POLR2F: variants seen among roughly 807,000 people sequenced by gnomAD.
POLR2F encodes the protein DNA-directed RNA polymerases I, II, and III subunit RPABC2.
Under a neutral mutation model 22.7 loss-of-function variants are expected in POLR2F, and 12 were observed. That is an observed-to-expected ratio of 0.53 (90% CI 0.34 to 0.86). POLR2F has a LOEUF of 0.86. Among genes scored for constraint, POLR2F ranks in the 40% least tolerant of loss-of-function variants. POLR2F has a pLI of 0.02. For synonymous variants in POLR2F, 57 were observed against 66.0 expected (o/e 0.86, Z 0.66); for missense variants, 126 against 171.5 (o/e 0.73, Z 1.48).
At chr22:37,998,892 T>C (rs1016870464) in intron 1 of POLR2F, among the ~76,000 whole-genome samples, 1 of 151,666 alleles carries the variant, frequency 6.6e-6, no homozygotes, top group African/African-American at 2.4e-5. Flanking sequence ...GACGGAGATG[T>C]CAAAGGCAGG....
chr22:38,005,804 A>G (rs2084815962), intron 1 of POLR2F, among the ~76,000 whole-genome samples: 1 of 152,250 alleles, frequency 6.6e-6, no homozygotes, highest in Non-Finnish European at 1.5e-5. Context: ...CAGAACTTAG[A>G]CAAGTATAGT....
At chr22:38,036,511 A>G (rs2085117645) in intron 5 of POLR2F, among the ~76,000 whole-genome samples, 1 of 150,112 alleles carries the variant, frequency 6.7e-6, no homozygotes, top group African/African-American at 2.5e-5. Context: ...CTAGAGGAGC[A>G]GGCCCATTCT....
In POLR2F at chr22:37,977,975, G is replaced by T. The variant is rs1019151119; in HGVS notation, c.293+10805G>T. The T allele has an allele frequency of 3.1e-6, 5 of 1,611,804 alleles. No homozygotes were observed. In the African/African-American group the frequency reaches 6.7e-5, roughly 22 times the overall value. On this transcript the variant is annotated intron_variant, in intron 4 of 4. Coordinates refer to the POLR2F transcript ENST00000405557. ...GCCTGGATGGCGGCGGTCCCACCTTGCTCGGCCTCCCCACCGGGGCACTCC... is the reference window on the plus strand; with the variant it reads ...GCCTGGATGGCGGCGGTCCCACCTTTCTCGGCCTCCCCACCGGGGCACTCC...
chr22:37,967,709 C>T lies in POLR2F; in HGVS notation c.378C>T (p.Thr126=), dbSNP rs534343471. The T allele has an allele frequency of 3.7e-6, 6 of 1,613,200 alleles. No homozygotes were observed. Among genetic ancestry groups the T allele is most frequent in the South Asian group, 3.3e-5 (3 of 90,964 alleles). ...EDWGVDELII[T]D ...GGGGGGTGGACGAGCTCATCATCAC[C>T]GACTGAGCTGGAGTCATCTTCCTGC... The change falls in exon 5 of 5, where the codon ACC becomes ACT. Residue 126 remains threonine (T), a synonymous_variant. Transcript: ENST00000442738.
downstream of POLR2F, chr22:37,973,490 C>T (rs1166955646): frequency 1.3e-6 from 2 of 1,568,724 alleles, no homozygotes; most frequent in South Asian, 2.3e-5. Context: ...GCGACAGGGC[C>T]CCCTTTAGGG....
At chr22:38,010,131 T>C (rs2084858147) in intron 1 of POLR2F, among the ~76,000 whole-genome samples, 1 of 152,140 alleles carries the variant, frequency 6.6e-6, no homozygotes, top group Non-Finnish European at 1.5e-5. Context: ...TCCCAGCACT[T>C]TGAGAGGCTG....
Position 37,959,419 on chromosome 22 carries a change from C to G in POLR2F, c.164C>G (p.Pro55Arg). The G allele has an allele frequency of 6.2e-7, 1 of 1,614,126 alleles. No individual in the cohort carries two copies. Among genetic ancestry groups the G allele is most frequent in the Non-Finnish European group, 8.5e-7 (1 of 1,179,992 alleles). The part of the protein sequence containing the change: ...PQANQKRITT[P>R]YMTKYERARV... ...GCCAACCAGAAGCGAATCACCACAC[C>G]ATACATGACCAAGTACGAGCGAGCC... is the stretch of plus-strand genomic sequence containing the variant. Residue 55 changes from proline (P) to arginine (R), a missense_variant, in exon 3 of 5, where the codon CCA becomes CGA. Physicochemically the swap from Pro to Arg is moderately radical, Grantham distance 103. Coordinates refer to ENST00000442738, the MANE Select transcript of POLR2F (RefSeq NM_021974.5).
intron 2 of POLR2F, 166 bp downstream of exon 2, chr22:37,957,008 C>G (rs2145730630): frequency 3.0e-6 from 2 of 657,026 alleles, no homozygotes; most frequent in East Asian, 5.5e-5. Context: ...GCAGAACAGC[C>G]CTGCAGGGTG....
At chr22:37,959,232 G>A (rs1931525185) in intron 2 of POLR2F, 114 bp from the exon 3 acceptor site, 2 of 997,708 alleles carry the variant, frequency 2.0e-6, no homozygotes, top group Non-Finnish European at 3.1e-6. Flanking sequence ...CCCCTGGCAT[G>A]CAGTAAGCAT....
At chr22:37,996,415 G>C (rs1320023823) in intron 1 of POLR2F, among the ~76,000 whole-genome samples, 2 of 152,252 alleles carry the variant, frequency 1.3e-5, no homozygotes, top group Non-Finnish European at 2.9e-5. Flanking sequence ...GCACTAGGGG[G>C]ACAAGGGCGG....
Position 37,997,681 on chromosome 22 carries a change from A to T in POLR2F, c.120+11369A>T, listed in dbSNP as rs2084728041. Among the ~76,000 whole-genome samples the T allele has an allele frequency of 6.6e-6, 1 of 151,962 alleles. No homozygotes were observed. The highest frequency in any genetic ancestry group is 1.5e-5 in the Non-Finnish European group (1 of 67,996). On this transcript the variant is annotated intron_variant, in intron 1 of 2. Transcript: ENST00000333418. This position sits in a 1 kb window ranked among gnomAD's most constrained non-coding sequence, Gnocchi z 4.4. Reference sequence around the variant, plus strand: ...CAGGACACCCGGCTCTGTCCCCTGCATGCCCTGGGTCACCCTGCCCCTCCC... The same window carrying T: ...CAGGACACCCGGCTCTGTCCCCTGCTTGCCCTGGGTCACCCTGCCCCTCCC...
chr22:38,008,808 A>T (rs1293287729), intron 1 of POLR2F, among the ~76,000 whole-genome samples: 1 of 151,286 alleles, frequency 6.6e-6, no homozygotes, highest in African/African-American at 2.4e-5. Flanking sequence ...CAGTGAGCCG[A>T]GATTGCACCA....
At chr22:37,992,804 C>T (rs567277040) in intron 1 of POLR2F, among the ~76,000 whole-genome samples, 140 of 152,324 alleles carry the variant, frequency 9.2e-4, no homozygotes, top group African/African-American at 3.3e-3. Flanking sequence ...GAGCCAGGGC[C>T]GATGGCCATC....
intron 1 of POLR2F, among the ~76,000 whole-genome samples, chr22:38,015,471 C>G (rs2084908184): frequency 6.6e-6 from 1 of 152,180 alleles, no homozygotes; most frequent in Admixed American, 6.5e-5. Context: ...CAGGCTGAGA[C>G]CTGTTTTGGG....
rs11428366 is a variant in POLR2F at position 37,964,572 on chromosome 22, C to CTT, written c.222-2512_222-2511dup. Reference sequence around the variant, plus strand: ...CTGTTTTTCTTTTCTTTCTTTCTTTCTTTTTTTTTTTTTTTTGAGATGGAG... The same window carrying CTT: ...CTGTTTTTCTTTTCTTTCTTTCTTTCTTTTTTTTTTTTTTTTTTGAGATGGAG... On this transcript the variant is annotated intron_variant, in intron 3 of 4. Transcript: ENST00000442738. Among the ~76,000 whole-genome samples the CTT allele has an allele frequency of 1.0e-2, 1,307 of 131,252 alleles. 23 individuals are homozygous for CTT. Among genetic ancestry groups the CTT allele is most frequent in the South Asian group, 0.034 (140 of 4,150 alleles). 86.1% of individuals were successfully genotyped at this position (131,252 alleles called of 152,430 possible). A position where few individuals can be genotyped will look rare whatever the true frequency, so the allele number is the denominator to read the frequency against.
In POLR2F at chr22:37,968,256, C is replaced by T. The variant is rs73415840; in HGVS notation, c.*541C>T. 7.8e-3 allele frequency: 7,723 copies of T among 985,452 alleles called. 418 individuals are homozygous for T. In the African/African-American group the frequency reaches 0.12, roughly 16 times the overall value. 61.0% of individuals were successfully genotyped at this position (985,452 alleles called of 1,614,324 possible). ...AGCGTGGGGGTGTGCTGATCTCCCA[C>T]CCTCCCCAGGCAGAGCCCTGCTGGG... On this transcript the variant is annotated 3_prime_UTR_variant, in exon 5 of 5. Transcript: ENST00000442738.
At chr22:37,985,698 TG>T (rs897630756), upstream of POLR2F, among the ~76,000 whole-genome samples, 1 of 150,032 alleles carries the variant, frequency 6.7e-6, no homozygotes, top group African/African-American at 2.5e-5. Flanking sequence ...GCAAAGGGTC[TG>T]GGGAGGCAAG....
chr22:37,959,326 T>C lies in POLR2F; in HGVS notation c.91-20T>C, dbSNP rs1304533333. ...AAAGTGCCACCTGAGTCTTTCCCTC[T>C]TTTTTGTCTTGGTGTCCAGGAAGGC... On this transcript the variant is annotated intron_variant, in intron 2 of 4. Transcript: ENST00000442738. 3.1e-6 allele frequency: 5 copies of C among 1,611,172 alleles called. No homozygotes were observed. The highest frequency in any genetic ancestry group is 2.2e-5 in the South Asian group (2 of 90,794).
Position 37,997,965 on chromosome 22 carries a change from G to C in POLR2F, c.120+11653G>C, listed in dbSNP as rs1457028220. ...GGTTGCCCAGATTGATGGAAGAGCAGGTGTTTGTGTCCCCTTCCGGTGAGA... is the reference window on the plus strand; with the variant it reads ...GGTTGCCCAGATTGATGGAAGAGCACGTGTTTGTGTCCCCTTCCGGTGAGA... On this transcript the variant is annotated intron_variant, in intron 1 of 2. Transcript: ENST00000333418. The surrounding 1 kb of genome is among the most constrained non-coding windows in gnomAD (Gnocchi z 4.4). Among the ~76,000 whole-genome samples, 1 of 152,216 alleles carries C rather than the reference G, an allele frequency of 6.6e-6. No homozygotes were observed.
Sources: allele counts gnomAD v4.1 joint callset (sites outside exome capture counted in the v4.1 genomes callset), GRCh38; gene constraint gnomAD v4.1.1; non-coding constraint Gnocchi (gnomAD v3.1); transcripts MANE v1.5; gene names NCBI Gene and HGNC (gene_info 2026-07-23, HGNC 2026-07-21).